DNAH12: variants seen among roughly 807,000 people sequenced by gnomAD.
The protein encoded by DNAH12 is dynein axonemal heavy chain 12, also known as axonemal beta dynein heavy chain 12.
A neutral mutation model predicts 371.5 loss-of-function variants in DNAH12; 285 were observed. The observed-to-expected ratio is 0.77, with a 90% CI of 0.70 to 0.85. DNAH12 has a LOEUF of 0.85. Among genes scored for constraint, DNAH12 ranks in the 40% least tolerant of loss-of-function variants. DNAH12 has a pLI of 0.00. For missense variants in DNAH12, 3,611 were observed against 3,689.4 expected (o/e 0.98, Z 0.55); for synonymous variants, 1,200 against 1,213.0 (o/e 0.99, Z 0.22).
intron 60 of DNAH12, among the ~76,000 whole-genome samples, chr3:57,337,367 G>T (rs2062250260): frequency 6.6e-6 from 1 of 151,200 alleles, no homozygotes; most frequent in South Asian, 2.1e-4. Context: ...TTGTAAAAGA[G>T]AGAACTTTTC....
At chr3:57,378,536 T>A (rs1386777839) in intron 52 of DNAH12, among the ~76,000 whole-genome samples, 2 of 152,106 alleles carry the variant, frequency 1.3e-5, no homozygotes, top group African/African-American at 4.8e-5. Flanking sequence ...CAAGCTACCA[T>A]ATATTTTCAT....
intron 62 of DNAH12, among the ~76,000 whole-genome samples, chr3:57,333,443 TC>T (rs2062153902): frequency 6.6e-6 from 1 of 151,114 alleles, no homozygotes; most frequent in Non-Finnish European, 1.5e-5. Flanking sequence ...CAATTCTCCT[TC>T]CTCAACCTCC....
intron 58 of DNAH12, among the ~76,000 whole-genome samples, 159 bp from the exon 59 acceptor site, chr3:57,357,507 C>G (rs897944580): frequency 1.3e-5 from 2 of 150,294 alleles, no homozygotes; most frequent in Non-Finnish European, 3.0e-5. Flanking sequence ...ATACTAAAAG[C>G]CAGAAATAAA....
At chr3:57,414,370 T>C (rs1412967550) in intron 38 of DNAH12, among the ~76,000 whole-genome samples, 1 of 152,218 alleles carries the variant, frequency 6.6e-6, no homozygotes, top group Admixed American at 6.5e-5. Flanking sequence ...TTTTTATTTT[T>C]TTCTTCACTG....
chr3:57,436,944 A>T lies in DNAH12; in HGVS notation c.4655+7T>A. ...TAACATCTAACTATAGCAATATATAATCTTACCCATGTCTAACAATCATCA... is the reference window on the plus strand; with the variant it reads ...TAACATCTAACTATAGCAATATATATTCTTACCCATGTCTAACAATCATCA... On this transcript the variant is annotated splice_region_variant and intron_variant, in intron 30 of 73. Transcript: ENST00000495027. The T allele has an allele frequency of 7.1e-7, 1 of 1,411,608 alleles. No homozygotes were observed. The allele number at this position is 1,411,608 out of a possible 1,614,324, so 87.4% of individuals were successfully genotyped here.
At chr3:57,487,888 T>C (rs868749868) in intron 12 of DNAH12, among the ~76,000 whole-genome samples, 2 of 151,942 alleles carry the variant, frequency 1.3e-5, no homozygotes, top group African/African-American at 4.8e-5. Context: ...TTGTTTTTTG[T>C]TTTTTGGTTT....
chr3:57,389,187 T>C (rs1268082777), intron 45 of DNAH12, among the ~76,000 whole-genome samples: 1 of 151,860 alleles, frequency 6.6e-6, no homozygotes. Context: ...TACTTCTTTA[T>C]CTTATTTACT....
intron 57 of DNAH12, among the ~76,000 whole-genome samples, chr3:57,365,862 C>CATATAT (rs1277920997): frequency 1.5e-3 from 226 of 148,010 alleles, no homozygotes; most frequent in Non-Finnish European, 2.1e-3. Flanking sequence ...TGTGTGTACA[C>CATATAT]ATATATATAT....
intron 11 of DNAH12, 62 bp from the exon 12 acceptor site, chr3:57,489,749 T>C (rs2067053382): frequency 1.3e-5 from 18 of 1,399,782 alleles, no homozygotes; most frequent in Non-Finnish European, 1.7e-5. Flanking sequence ...TTTTATAATA[T>C]TGTATTGTTA....
intron 11 of DNAH12, among the ~76,000 whole-genome samples, chr3:57,491,773 C>CAA (rs57203853): frequency 1.3e-5 from 2 of 150,360 alleles, no homozygotes; most frequent in African/African-American, 4.9e-5. Flanking sequence ...CCCATCTCTA[C>CAA]AAAAAAAAAT....
intron 58 of DNAH12, among the ~76,000 whole-genome samples, chr3:57,362,973 G>A (rs1271735414): frequency 6.6e-6 from 1 of 152,064 alleles, no homozygotes; most frequent in African/African-American, 2.4e-5. Flanking sequence ...TATTGCCAAG[G>A]TTTTCTTCTA....
intron 43 of DNAH12, chr3:57,402,348 C>A: frequency 7.9e-7 from 1 of 1,268,870 alleles, no homozygotes; most frequent in Non-Finnish European, 1.0e-6. Context: ...TCTGTTGGGG[C>A]TACAGACCCC....
chr3:57,459,977 G>A (rs189555298), intron 19 of DNAH12, among the ~76,000 whole-genome samples, 191 bp from the exon 20 acceptor site: 1 of 151,678 alleles, frequency 6.6e-6, no homozygotes, highest in East Asian at 1.9e-4. Flanking sequence ...CTAAATCACT[G>A]GAACTCACAA....
Position 57,349,986 on chromosome 3 carries a change from G to A in DNAH12, c.9674+2099C>T, listed in dbSNP as rs554183812. Among the ~76,000 whole-genome samples the A allele has an allele frequency of 9.9e-5, 15 of 152,274 alleles. No homozygotes were observed. The East Asian group carries it at 1.2e-3, about 12-fold the overall frequency. On this transcript the variant is annotated intron_variant, in intron 60 of 73. Transcript: ENST00000495027. ...ATTACAGGCGTGGGCCACCACACCC[G>A]GACTGGAGACTATTATTCTAAGTGA... is the stretch of plus-strand genomic sequence containing the variant.
At chr3:57,408,996 A>G (rs1271162966) in intron 39 of DNAH12, among the ~76,000 whole-genome samples, 2 of 152,214 alleles carry the variant, frequency 1.3e-5, no homozygotes, top group African/African-American at 4.8e-5. Context: ...CAGTTTGAAC[A>G]CTAAGTTATA....
chr3:57,425,119 C>T lies in DNAH12; in HGVS notation c.5276G>A (p.Ser1759Asn). 2.8e-6 allele frequency: 2 copies of T among 702,508 alleles called. No homozygotes were observed. Among genetic ancestry groups the T allele is most frequent in the Non-Finnish European group, 5.2e-6 (2 of 384,802 alleles). The allele number at this position is 702,508 out of a possible 1,614,324, so 43.5% of individuals were successfully genotyped here. The change falls in exon 35 of 74, where the codon AGC becomes AAC. Residue 1759 changes from serine (S) to asparagine (N), a missense_variant. Physicochemically the swap from Ser to Asn is conservative, Grantham distance 46 (BLOSUM62 1). Around this residue, in one of 3 missense-constraint regions of DNAH12, gnomAD observed 2,266 missense variants for 2,236.9 expected, o/e 1.01. Transcript: ENST00000495027. Reference protein sequence around the residue: ...KCKELIPTSNSNVVVSLTRLF... With the variant: ...KCKELIPTSNNNVVVSLTRLF... ...GCGTGTGAGAGATACAACCACGTTG[C>T]TGTTGCTTGTAGGAATCAGTTCCTG...
At chr3:57,446,784 C>A in intron 25 of DNAH12, 95 bp from the exon 26 acceptor site, 1 of 1,204,780 alleles carries the variant, frequency 8.3e-7, no homozygotes, top group Non-Finnish European at 1.1e-6. Context: ...TGTTCTGTAG[C>A]TTCAGAGAAG....
chr3:57,301,246 A>G (rs1166981566), intron 70 of DNAH12, among the ~76,000 whole-genome samples: 1 of 121,166 alleles, frequency 8.3e-6, no homozygotes, highest in Non-Finnish European at 1.6e-5. Flanking sequence ...AGCCTGGATG[A>G]CAGAGCAAGA....
intron 13 of DNAH12, among the ~76,000 whole-genome samples, chr3:57,474,912 G>A (rs536483026): frequency 2.6e-5 from 4 of 151,868 alleles, no homozygotes; most frequent in Non-Finnish European, 5.9e-5. Flanking sequence ...GGAGGCAGAG[G>A]TTGCAGTGAG....
Sources: gnomAD v4.1 joint callset for allele counts (sites outside exome capture counted in the v4.1 genomes callset) on GRCh38, gnomAD v4.1.1 for gene constraint, gnomAD v4.1.1 regional missense constraint, MANE v1.5 for transcripts, NCBI Gene and HGNC (gene_info 2026-07-23, HGNC 2026-07-21) for gene names.